GPC6: variants seen among roughly 807,000 people sequenced by gnomAD.
GPC6 encodes glypican-6.
A neutral mutation model predicts 55.2 loss-of-function variants in GPC6; 14 were observed. That is an observed-to-expected ratio of 0.25 (90% CI 0.17 to 0.40). GPC6 has a LOEUF of 0.40. Ranked by LOEUF, GPC6 falls within the 10% of genes least tolerant of loss-of-function variation. The pLI, the probability that GPC6 is intolerant of heterozygous loss-of-function variation, is 1.00. For missense variants in GPC6, 641 were observed against 708.5 expected (o/e 0.90, Z 1.08); for synonymous variants, 278 against 259.6 (o/e 1.07, Z -0.68).
intron 6 of GPC6, among the ~76,000 whole-genome samples, chr13:94,370,615 G>A (rs915457256): frequency 4.6e-5 from 7 of 152,122 alleles, no homozygotes; most frequent in South Asian, 2.1e-4. Context: ...TCATTAAATC[G>A]ATTTCGTTGA....
At chr13:93,734,437 G>A (rs747387992) in intron 2 of GPC6, among the ~76,000 whole-genome samples, 8 of 152,104 alleles carry the variant, frequency 5.3e-5, no homozygotes, top group Non-Finnish European at 7.4e-5. Flanking sequence ...AATTTGTCTG[G>A]GTGAAGAGCA....
At chr13:93,631,578 C>A (rs1341027302) in intron 2 of GPC6, among the ~76,000 whole-genome samples, 2 of 152,208 alleles carry the variant, frequency 1.3e-5, no homozygotes, top group Non-Finnish European at 2.9e-5. Flanking sequence ...CCAATATTTT[C>A]TAAAAAGTTT....
intron 4 of GPC6, among the ~76,000 whole-genome samples, chr13:94,095,519 C>T (rs540468238): frequency 3.9e-5 from 6 of 152,034 alleles, no homozygotes; most frequent in Non-Finnish European, 7.4e-5. Context: ...TGCAGTAATT[C>T]TTTTTAAAAT....
upstream of GPC6, among the ~76,000 whole-genome samples, chr13:93,225,020 TAAC>T (rs1273961678): frequency 6.6e-6 from 1 of 152,232 alleles, no homozygotes; most frequent in Non-Finnish European, 1.5e-5. Context: ...ATTCAATACT[TAAC>T]AATTAGCTGA....
At chr13:93,409,429 C>T (rs1209559554) in intron 1 of GPC6, among the ~76,000 whole-genome samples, 2 of 152,138 alleles carry the variant, frequency 1.3e-5, no homozygotes, top group African/African-American at 4.8e-5. Flanking sequence ...CCATCTTTAG[C>T]TAACGTGGTC....
At chr13:94,358,543 G>A (rs532530256) in intron 6 of GPC6, among the ~76,000 whole-genome samples, 1 of 152,294 alleles carries the variant, frequency 6.6e-6, no homozygotes, top group African/African-American at 2.4e-5. Flanking sequence ...TCACAGGGTT[G>A]AGCTTGCCCT....
intron 4 of GPC6, among the ~76,000 whole-genome samples, chr13:94,159,299 C>T (rs376854002): frequency 1.3e-5 from 2 of 152,062 alleles, no homozygotes; most frequent in Non-Finnish European, 2.9e-5. Context: ...TATATTCATC[C>T]GTTTTCACAC....
intron 3 of GPC6, among the ~76,000 whole-genome samples, chr13:93,846,400 T>C (rs762295279): frequency 6.6e-6 from 1 of 152,328 alleles, no homozygotes; most frequent in East Asian, 1.9e-4. Flanking sequence ...GCTGTAATAT[T>C]CCACACTGCT....
At chr13:93,256,069 A>C (rs1704574618) in intron 1 of GPC6, among the ~76,000 whole-genome samples, 1 of 149,066 alleles carries the variant, frequency 6.7e-6, no homozygotes, top group South Asian at 2.2e-4. Flanking sequence ...ATTGCTTGAG[A>C]TGTTGTAAGT....
upstream of GPC6, among the ~76,000 whole-genome samples, chr13:93,222,095 C>T (rs1037481308): frequency 6.6e-6 from 1 of 152,088 alleles, no homozygotes; most frequent in Admixed American, 6.6e-5. Flanking sequence ...GATTCAGAAA[C>T]ATATTAACAG....
At chr13:93,462,591 G>C (rs1566370256) in intron 1 of GPC6, among the ~76,000 whole-genome samples, 1 of 141,160 alleles carries the variant, frequency 7.1e-6, no homozygotes, top group African/African-American at 2.6e-5. Flanking sequence ...TCTAGCTTCT[G>C]TAAAAGTTGG....
chr13:93,745,850 A>G (rs1413520390), intron 2 of GPC6, among the ~76,000 whole-genome samples: 1 of 152,240 alleles, frequency 6.6e-6, no homozygotes, highest in Non-Finnish European at 1.5e-5. Flanking sequence ...GAAACTCAAA[A>G]TAATTGCCCA....
chr13:93,594,484 A>G (rs1173795248), intron 2 of GPC6, among the ~76,000 whole-genome samples: 2 of 152,142 alleles, frequency 1.3e-5, no homozygotes, highest in East Asian at 3.9e-4. Context: ...CTTTAAAAGT[A>G]CTGTGACTGA....
intron 2 of GPC6, among the ~76,000 whole-genome samples, chr13:93,692,929 T>G (rs1327556109): frequency 6.6e-6 from 1 of 152,158 alleles, no homozygotes; most frequent in Non-Finnish European, 1.5e-5. Flanking sequence ...CACTTTGTAT[T>G]AAAAGCAAAT....
At chr13:94,340,222 G>A (rs996922970) in intron 6 of GPC6, among the ~76,000 whole-genome samples, 1 of 152,114 alleles carries the variant, frequency 6.6e-6, no homozygotes, top group Non-Finnish European at 1.5e-5. Context: ...ACTGGGATTT[G>A]GGGGAAATCA....
Position 94,247,169 on chromosome 13 carries a change from A to T in GPC6, c.878-39180A>T, listed in dbSNP as rs150519049. Among the ~76,000 whole-genome samples, 459 of 152,236 alleles carry T rather than the reference A, an allele frequency of 3.0e-3. 4 individuals are homozygous for T. The highest frequency in any genetic ancestry group is 0.01 in the African/African-American group (434 of 41,552). On this transcript the variant is annotated intron_variant, in intron 4 of 8. Coordinates refer to ENST00000377047, the MANE Select transcript of GPC6 (RefSeq NM_005708.5). ...CAGATAGGTCATTGTTTGTGTATTA[A>T]AATGTCATAGATTTTCATTTTTATT...
intron 2 of GPC6, among the ~76,000 whole-genome samples, chr13:93,664,261 C>A (rs1477722030): frequency 6.6e-6 from 1 of 152,096 alleles, no homozygotes; most frequent in African/African-American, 2.4e-5. Flanking sequence ...ATTATTCAGC[C>A]ATGTAAACTG....
At chr13:93,896,434 A>C (rs569467483) in intron 3 of GPC6, among the ~76,000 whole-genome samples, 20 of 152,182 alleles carry the variant, frequency 1.3e-4, no homozygotes, top group African/African-American at 4.6e-4. Flanking sequence ...GATTCAGACC[A>C]TTTCTGGCTA....
chr13:93,870,478 A>G (rs1038175896), intron 3 of GPC6, among the ~76,000 whole-genome samples: 3 of 151,850 alleles, frequency 2.0e-5, no homozygotes, highest in Admixed American at 6.6e-5. Flanking sequence ...GAATAGTCCA[A>G]TTGTTTTTCT....
Sources: allele counts gnomAD v4.1 joint callset (sites outside exome capture counted in the v4.1 genomes callset), GRCh38; gene constraint gnomAD v4.1.1; transcripts MANE v1.5; gene names NCBI Gene and HGNC (gene_info 2026-07-23, HGNC 2026-07-21).